Variants in MLLT3 observed in about 807,000 individuals in gnomAD.
The protein encoded by MLLT3 is MLLT3 super elongation complex subunit, also known as protein AF-9.
MLLT3 carries 4 observed loss-of-function variants against 53.2 expected under a neutral mutation model. The ratio of observed to expected loss-of-function variants is 0.08; its 90% CI spans 0.04 to 0.17. MLLT3 has a LOEUF of 0.17. Among genes scored for constraint, MLLT3 ranks in the 10% least tolerant of loss-of-function variants. MLLT3 has a pLI of 1.00. For missense variants in MLLT3, 569 were observed against 684.0 expected, an observed-to-expected ratio of 0.83 and a Z score of 1.87; for synonymous variants, 283 against 230.6, an observed-to-expected ratio of 1.23 and a Z score of -2.06.
intron 3 of MLLT3, among the ~76,000 whole-genome samples, chr9:20,451,943 T>C (rs1168723525): frequency 6.6e-6 from 1 of 152,058 alleles, no homozygotes; most frequent in Non-Finnish European, 1.5e-5. Flanking sequence ...TAAGACAGCA[T>C]TAACATATAC....
chr9:20,385,403 G>C (rs1822009315), intron 5 of MLLT3, among the ~76,000 whole-genome samples: 1 of 152,062 alleles, frequency 6.6e-6, no homozygotes, highest in African/African-American at 2.4e-5. Context: ...ATGATATTTT[G>C]AATCTCGAAG....
intron 2 of MLLT3, among the ~76,000 whole-genome samples, chr9:20,483,366 T>C (rs546805109): frequency 6.6e-6 from 1 of 151,874 alleles, no homozygotes; most frequent in East Asian, 1.9e-4. Flanking sequence ...GCCTCGCAAG[T>C]AGCTGGGACT....
At chr9:20,524,050 G>A (rs1818137207) in intron 2 of MLLT3, among the ~76,000 whole-genome samples, 1 of 151,818 alleles carries the variant, frequency 6.6e-6, no homozygotes, top group Admixed American at 6.6e-5. Flanking sequence ...GAGAAGGGAT[G>A]AATAGGTAGA....
chr9:20,490,750 T>C (rs1201582746), intron 2 of MLLT3, among the ~76,000 whole-genome samples: 1 of 152,240 alleles, frequency 6.6e-6, no homozygotes, highest in Non-Finnish European at 1.5e-5. Flanking sequence ...ACTTACCATA[T>C]GCAAGTATTT....
In MLLT3 at chr9:20,357,979, G is replaced by GCACACACACACACA. The variant is rs1491136011; in HGVS notation, c.1431+2762_1431+2763insTGTGTGTGTGTGTG. On this transcript the variant is annotated intron_variant, in intron 8 of 10. Transcript: ENST00000380338. Reference sequence around the variant, plus strand: ...CCCCCTACTTTTCTCCCTCCCTCCTGCGCACACACACACACACACACACAC... The same window carrying GCACACACACACACA: ...CCCCCTACTTTTCTCCCTCCCTCCTGCACACACACACACACGCACACACACACACACACACACAC... Among the ~76,000 whole-genome samples, 642 of 137,824 alleles carry GCACACACACACACA rather than the reference G, an allele frequency of 4.7e-3. 16 individuals carry two copies. The highest frequency in any genetic ancestry group is 0.016 in the African/African-American group (591 of 35,832). 90.4% of individuals were successfully genotyped at this position (137,824 alleles called of 152,430 possible).
chr9:20,349,504 A>C (rs987294365), intron 10 of MLLT3, among the ~76,000 whole-genome samples: 8 of 152,006 alleles, frequency 5.3e-5, no homozygotes, highest in Non-Finnish European at 1.2e-4. Context: ...AAAATGCAGA[A>C]ACTAAAACTC....
rs117863843 is a variant in MLLT3 at position 20,569,056 on chromosome 9, C to T, written c.193+51598G>A. On this transcript the variant is annotated intron_variant, in intron 2 of 10. Coordinates refer to ENST00000380338, the MANE Select transcript of MLLT3 (RefSeq NM_004529.4). ...AACTATCCAGAGCCTCAGGTTCCAA[C>T]GTAACCCTATGTGAGGGTAACACTT... 7.7e-3 allele frequency among the ~76,000 whole-genome samples: 1,179 copies of T among 152,246 alleles called. 9 individuals carry two copies. Among genetic ancestry groups the T allele is most frequent in the Middle Eastern group, 0.02 (6 of 294 alleles).
chr9:20,478,976 A>T (rs1824595075), intron 2 of MLLT3, among the ~76,000 whole-genome samples: 1 of 152,142 alleles, frequency 6.6e-6, no homozygotes, highest in South Asian at 2.1e-4. Context: ...TTTACAAAGA[A>T]TGAGATTGAC....
intron 7 of MLLT3, among the ~76,000 whole-genome samples, chr9:20,362,261 AAGTAG>A: frequency 6.6e-6 from 1 of 152,176 alleles, no homozygotes; most frequent in South Asian, 2.1e-4. Context: ...TTGCAGCAAT[AAGTAG>A]GTGGGCAACA....
intron 5 of MLLT3, among the ~76,000 whole-genome samples, chr9:20,388,917 G>GC (rs1822113208): frequency 1.3e-5 from 2 of 152,242 alleles, no homozygotes; most frequent in South Asian, 4.2e-4. Context: ...AATTCTTTCA[G>GC]CCTTCTCAAG....
chr9:20,591,338 T>C (rs1820124246), intron 2 of MLLT3, among the ~76,000 whole-genome samples: 1 of 152,096 alleles, frequency 6.6e-6, no homozygotes, highest in Non-Finnish European at 1.5e-5. Context: ...TCTGAAAAGG[T>C]TCCCAGTCAA....
At chr9:20,560,495 C>G (rs1449705123) in intron 2 of MLLT3, among the ~76,000 whole-genome samples, 1 of 152,172 alleles carries the variant, frequency 6.6e-6, no homozygotes, top group African/African-American at 2.4e-5. Flanking sequence ...ACAAGACAAA[C>G]AGTTCCTGCT....
At chr9:20,358,704 T>C (rs77692320) in intron 8 of MLLT3, among the ~76,000 whole-genome samples, 2,080 of 152,192 alleles carry the variant, frequency 0.014, 44 homozygotes, top group African/African-American at 0.045. Context: ...TTCACTATGA[T>C]TGGGAGAGAT....
intron 2 of MLLT3, among the ~76,000 whole-genome samples, chr9:20,529,461 T>C (rs1204729666): frequency 2.0e-5 from 3 of 151,634 alleles, no homozygotes; most frequent in African/African-American, 7.2e-5. Context: ...GTTAGCAGAA[T>C]GTCAAACCCA....
chr9:20,350,859 T>C (rs1184440125), intron 10 of MLLT3, among the ~76,000 whole-genome samples: 1 of 152,144 alleles, frequency 6.6e-6, no homozygotes, highest in African/African-American at 2.4e-5. Flanking sequence ...TGCATTGATT[T>C]TGGTCTGATT....
intron 2 of MLLT3, among the ~76,000 whole-genome samples, chr9:20,493,196 CTT>C (rs1030426661): frequency 3.3e-5 from 5 of 151,934 alleles, no homozygotes; most frequent in African/African-American, 7.2e-5. Context: ...TCTTCCTACT[CTT>C]GTTATTAGAA....
chr9:20,599,207 G>C (rs941517800), intron 2 of MLLT3, among the ~76,000 whole-genome samples: 1 of 151,446 alleles, frequency 6.6e-6, no homozygotes, highest in Non-Finnish European at 1.5e-5. Flanking sequence ...AGGAAGCTGA[G>C]ACAGGAGAAT....
At chr9:20,553,456 C>T (rs1818977520) in intron 2 of MLLT3, among the ~76,000 whole-genome samples, 1 of 152,202 alleles carries the variant, frequency 6.6e-6, no homozygotes, top group Admixed American at 6.5e-5. Flanking sequence ...AATCCCTCCA[C>T]TCATGGAGAA....
intron 2 of MLLT3, among the ~76,000 whole-genome samples, chr9:20,511,068 A>G (rs775909572): frequency 7.2e-5 from 11 of 152,198 alleles, no homozygotes; most frequent in Admixed American, 1.3e-4. Context: ...AATTAAAGTC[A>G]GAGAATAATC....
Sources: gnomAD v4.1 joint callset for allele counts (sites outside exome capture counted in the v4.1 genomes callset) on GRCh38, gnomAD v4.1.1 for gene constraint, MANE v1.5 for transcripts, NCBI Gene and HGNC (gene_info 2026-07-23, HGNC 2026-07-21) for gene names.